Variants in ARHGAP12 observed in about 807,000 individuals in gnomAD.
ARHGAP12 encodes Rho GTPase activating protein 12.
ARHGAP12 carries 64 observed loss-of-function variants against 108.6 expected under a neutral mutation model. The observed-to-expected ratio is 0.59, with a 90% CI of 0.48 to 0.73. The LOEUF (loss-of-function observed/expected upper bound fraction) is 0.73, where lower values mean the gene tolerates loss of function less well. Ranked by LOEUF, ARHGAP12 falls within the 30% of genes least tolerant of loss-of-function variation. ARHGAP12 has a pLI of 0.00. For missense variants in ARHGAP12, 940 were observed against 1,005.9 expected (o/e 0.93, Z 0.89); for synonymous variants, 312 against 337.2 (o/e 0.93, Z 0.82).
chr10:31,889,813 G>C (rs1449636465), intron 3 of ARHGAP12, among the ~76,000 whole-genome samples: 1 of 150,930 alleles, frequency 6.6e-6, no homozygotes, highest in African/African-American at 2.4e-5. Flanking sequence ...TGAACTCCTG[G>C]CCTCAAGTGA....
chr10:31,923,109 G>A (rs909444157), intron 1 of ARHGAP12, among the ~76,000 whole-genome samples: 17 of 131,828 alleles, frequency 1.3e-4, no homozygotes, highest in African/African-American at 5.1e-4. Flanking sequence ...GCAGCCTGGG[G>A]TGACAGAGCA....
intron 7 of ARHGAP12, among the ~76,000 whole-genome samples, chr10:31,842,114 AT>A (rs1386290659): frequency 1.3e-5 from 2 of 152,148 alleles, no homozygotes; most frequent in African/African-American, 4.8e-5. Context: ...ATTGTTTGAC[AT>A]TTTATGATGT....
chr10:31,839,241 A>G (rs930557287), intron 9 of ARHGAP12, 64 bp downstream of exon 9: 3 of 1,496,670 alleles, frequency 2.0e-6, no homozygotes, highest in African/African-American at 1.4e-5. Context: ...ACTTGGCAAT[A>G]TATTTTACAG....
Position 31,809,386 on chromosome 10 carries a change from G to A in ARHGAP12, c.2051-79C>T. 3.8e-6 allele frequency: 5 copies of A among 1,299,288 alleles called. No homozygotes were observed. The South Asian group carries it at 6.0e-5, about 16-fold the overall frequency. The allele number at this position is 1,299,288 out of a possible 1,614,324, so 80.5% of individuals were successfully genotyped here. A position where few individuals can be genotyped will look rare whatever the true frequency, so the allele number is the denominator to read the frequency against. On this transcript the variant is annotated intron_variant, in intron 16 of 19. Transcript: ENST00000344936. ...CTTCTGAACACGTTTGCATGTGTCAGAATTCCCACTCATTTGCATTAGCCT... is the reference window on the plus strand; with the variant it reads ...CTTCTGAACACGTTTGCATGTGTCAAAATTCCCACTCATTTGCATTAGCCT...
intron 3 of ARHGAP12, among the ~76,000 whole-genome samples, chr10:31,869,474 T>C (rs1014067683): frequency 6.6e-6 from 1 of 151,546 alleles, no homozygotes; most frequent in African/African-American, 2.4e-5. Context: ...GAGGTGGAGG[T>C]TGCAGTGAGC....
chr10:31,891,394 T>C (rs891646588), intron 3 of ARHGAP12, among the ~76,000 whole-genome samples: 5 of 152,262 alleles, frequency 3.3e-5, no homozygotes, highest in African/African-American at 9.6e-5. Flanking sequence ...TCTTTAAGAA[T>C]GTTGAATATT....
rs1304318712 is a variant in ARHGAP12 at position 31,903,832 on chromosome 10, A to G, written c.684+4340T>C. On this transcript the variant is annotated intron_variant, in intron 3 of 19. Coordinates refer to ENST00000344936, the MANE Select transcript of ARHGAP12 (RefSeq NM_018287.7). The stretch of plus-strand genomic sequence containing the variant: ...GCAGAAACATTTCAATGAAGAGGAT[A>G]TATCAATGGCAAATAAACATATGAA... Among the ~76,000 whole-genome samples, 5 of 152,344 alleles carry G rather than the reference A, an allele frequency of 3.3e-5. No individual in the cohort carries two copies. The East Asian group carries it at 9.6e-4, about 29-fold the overall frequency.
chr10:31,831,593 A>C (rs1333029447), intron 10 of ARHGAP12, 146 bp downstream of exon 10: 1 of 498,648 alleles, frequency 2.0e-6, no homozygotes, highest in South Asian at 5.1e-5. Context: ...CATAAATCTC[A>C]TGACAATCTT....
At chr10:31,808,047 T>A (rs1452615328) in intron 19 of ARHGAP12, among the ~76,000 whole-genome samples, 6 of 152,230 alleles carry the variant, frequency 3.9e-5, no homozygotes, top group Non-Finnish European at 8.8e-5. Flanking sequence ...CAATTAAGCA[T>A]ACTCTAACAA....
chr10:31,864,968 T>C (rs573596045), intron 3 of ARHGAP12, among the ~76,000 whole-genome samples: 5 of 152,088 alleles, frequency 3.3e-5, no homozygotes, highest in East Asian at 3.9e-4. Context: ...TAGAAATAAA[T>C]AAACAGGAGT....
rs920010636 is a variant in ARHGAP12, at chr10:31,915,364, C to T, written c.-110-4801G>A. 2.9e-5 allele frequency among the ~76,000 whole-genome samples: 4 copies of T among 136,994 alleles called. No individual in the cohort carries two copies. In the Admixed American group the frequency reaches 3.0e-4, roughly 10 times the overall value. The allele number at this position is 136,994 out of a possible 152,430, so 89.9% of individuals were successfully genotyped here. On this transcript the variant is annotated intron_variant, in intron 1 of 19. Transcript: ENST00000344936. Reference sequence around the variant, plus strand: ...TAGCGTCATTGCACTCCAGCCTGGGCAACAACAGTGAAACTCTGTCTCAAA... The same window carrying T: ...TAGCGTCATTGCACTCCAGCCTGGGTAACAACAGTGAAACTCTGTCTCAAA...
intron 11 of ARHGAP12, among the ~76,000 whole-genome samples, chr10:31,823,026 G>C (rs781188248): frequency 6.6e-6 from 1 of 152,074 alleles, no homozygotes; most frequent in South Asian, 2.1e-4. Context: ...ATATTTATGG[G>C]TTGATTTTTT....
intron 10 of ARHGAP12, 81 bp from the exon 11 acceptor site, chr10:31,826,466 T>C (rs895327947): frequency 9.2e-7 from 1 of 1,085,958 alleles, no homozygotes; most frequent in Non-Finnish European, 1.4e-6. Flanking sequence ...CCTACTTAGC[T>C]CTTATCAATG....
At position 31,905,539 on chromosome 10, in the gene ARHGAP12, T is replaced by C. The variant is rs139890182; in HGVS notation, c.684+2633A>G. 1.7e-4 allele frequency among the ~76,000 whole-genome samples: 26 copies of C among 152,120 alleles called. No homozygotes were observed. In the East Asian group the frequency reaches 4.4e-3, roughly 26 times the overall value. On this transcript the variant is annotated intron_variant, in intron 3 of 19. Transcript: ENST00000344936. ...GTGCAGAAAAGCAAATACATATCAG[T>C]TTTTCCAGGGGTCGCCGATAAAGGT...
At chr10:31,918,471 G>A (rs1310758873) in intron 1 of ARHGAP12, among the ~76,000 whole-genome samples, 1 of 152,040 alleles carries the variant, frequency 6.6e-6, no homozygotes, top group East Asian at 1.9e-4. Context: ...GGGAGGCCGA[G>A]GCAGGAGGAT....
Position 31,839,715 on chromosome 10 carries a change from C to T in ARHGAP12, c.1297-4G>A, listed in dbSNP as rs371186762. 166 of 1,599,274 alleles carry T rather than the reference C, an allele frequency of 1.0e-4. No homozygotes were observed. The highest frequency in any genetic ancestry group is 1.3e-4 in the Non-Finnish European group (157 of 1,169,922). On this transcript the variant is annotated splice_polypyrimidine_tract_variant and splice_region_variant and intron_variant, in intron 7 of 19. Coordinates refer to ENST00000344936, the MANE Select transcript of ARHGAP12 (RefSeq NM_018287.7). ...GTTTTGAGGCAGTTGGAGATTCCTACAAGAAATAAGTAATGAAAAAAGTTA... is the reference window on the plus strand; with the variant it reads ...GTTTTGAGGCAGTTGGAGATTCCTATAAGAAATAAGTAATGAAAAAAGTTA...
chr10:31,910,694 T>A (rs1046203061), intron 1 of ARHGAP12, 131 bp from the exon 2 acceptor site: 30 of 152,416 alleles, frequency 2.0e-4, no homozygotes, highest in Admixed American at 1.8e-3. Context: ...GTTTTATACA[T>A]CAAGATTGTG....
At chr10:31,896,477 ATCGTG>A (rs1838701070) in intron 3 of ARHGAP12, among the ~76,000 whole-genome samples, 1 of 152,098 alleles carries the variant, frequency 6.6e-6, no homozygotes, top group Admixed American at 6.6e-5. Flanking sequence ...TTCTTCTGGC[ATCGTG>A]TCAGCCTCAT....
intron 3 of ARHGAP12, among the ~76,000 whole-genome samples, chr10:31,888,346 T>G (rs1174809735): frequency 6.6e-6 from 1 of 152,054 alleles, no homozygotes; most frequent in Non-Finnish European, 1.5e-5. Context: ...TCTAAACATG[T>G]CCCAAGGCAA....
Sources: allele counts gnomAD v4.1 joint callset (sites outside exome capture counted in the v4.1 genomes callset), GRCh38; gene constraint gnomAD v4.1.1; transcripts MANE v1.5; gene names NCBI Gene and HGNC (gene_info 2026-07-23, HGNC 2026-07-21).